Variants in PRMT3 observed in about 807,000 individuals in gnomAD.
PRMT3 encodes protein arginine methyltransferase 3, also known as protein arginine N-methyltransferase 3.
A neutral mutation model predicts 71.9 loss-of-function variants in PRMT3; 62 were observed. The ratio of observed to expected loss-of-function variants is 0.86; its 90% CI spans 0.70 to 1.07. PRMT3 has a LOEUF of 1.07. PRMT3 is among the 50% of genes least tolerant of loss of function. The probability of loss-of-function intolerance (pLI) is 0.00; values close to 1 mark genes in which losing one functional copy is unlikely to be tolerated. For synonymous variants in PRMT3, 213 were observed against 220.4 expected, an observed-to-expected ratio of 0.97 and a Z score of 0.30; for missense variants, 663 against 643.0, an observed-to-expected ratio of 1.03 and a Z score of -0.34.
chr11:20,461,988 G>C lies in PRMT3; in HGVS notation c.1081G>C (p.Asp361His). 2 of 1,578,166 alleles carry C rather than the reference G, an allele frequency of 1.3e-6. No homozygotes were observed. Among genetic ancestry groups the C allele is most frequent in the Non-Finnish European group, 1.7e-6 (2 of 1,156,970 alleles). ...YLAKGGSVYPDICTISLVAVS... is the reference protein window; with the variant it reads ...YLAKGGSVYPHICTISLVAVS... ...CATTTTGTTTGTTACAGTCTACCCT[G>C]ACATTTGCACTATCAGCCTTGTAGC... is the stretch of plus-strand genomic sequence containing the variant. The change falls in exon 12 of 16, where the codon GAC becomes CAC. Residue 361 changes from aspartate to histidine, a missense_variant. Asp to His is a moderately conservative substitution (Grantham distance 81). Transcript: ENST00000331079.
chr11:20,431,798 A>G (rs1246760240), intron 10 of PRMT3, among the ~76,000 whole-genome samples: 3 of 152,116 alleles, frequency 2.0e-5, no homozygotes, highest in African/African-American at 7.2e-5. Context: ...TATTTCAAGC[A>G]TAATTCTCAG....
intron 15 of PRMT3, among the ~76,000 whole-genome samples, chr11:20,507,301 A>G (rs555363765): frequency 6.6e-6 from 1 of 152,268 alleles, no homozygotes; most frequent in African/African-American, 2.4e-5. Context: ...CACCCTGATC[A>G]CAAACTCTTT....
At chr11:20,468,788 T>G (rs1850573896) in intron 13 of PRMT3, among the ~76,000 whole-genome samples, 1 of 152,364 alleles carries the variant, frequency 6.6e-6, no homozygotes, top group Middle Eastern at 3.4e-3. Context: ...TTTAATAGCA[T>G]GTATGCTATA....
At chr11:20,473,217 GTCTC>G (rs979852582) in intron 13 of PRMT3, among the ~76,000 whole-genome samples, 20 of 151,682 alleles carry the variant, frequency 1.3e-4, no homozygotes, top group Non-Finnish European at 2.2e-4. Flanking sequence ...GGTTTTTTGT[GTCTC>G]TATCTTCTTC....
chr11:20,498,106 A>G (rs1453619843), intron 15 of PRMT3, among the ~76,000 whole-genome samples: 1 of 152,254 alleles, frequency 6.6e-6, no homozygotes, highest in Non-Finnish European at 1.5e-5. Flanking sequence ...ATACATAGCA[A>G]TAAAATGTAT....
chr11:20,425,742 G>A (rs756774857), intron 9 of PRMT3, among the ~76,000 whole-genome samples: 2 of 152,234 alleles, frequency 1.3e-5, no homozygotes, highest in Non-Finnish European at 2.9e-5. Context: ...GTGGTTGCTT[G>A]TGGATGGGGA....
At chr11:20,504,723 AG>A (rs1565243468) in intron 15 of PRMT3, among the ~76,000 whole-genome samples, 2 of 151,064 alleles carry the variant, frequency 1.3e-5, no homozygotes, top group East Asian at 3.9e-4. Context: ...AGAGAGAGAG[AG>A]AGAGAGAGAG....
At chr11:20,389,659 A>G in intron 2 of PRMT3, 85 bp from the exon 3 acceptor site, 2 of 831,176 alleles carry the variant, frequency 2.4e-6, no homozygotes, top group Middle Eastern at 4.8e-4. Context: ...GAGTTAAAAA[A>G]AAAAAAAAAG....
chr11:20,399,954 C>T (rs1276267872), intron 7 of PRMT3, among the ~76,000 whole-genome samples: 1 of 152,142 alleles, frequency 6.6e-6, no homozygotes, highest in Admixed American at 6.5e-5. Flanking sequence ...TAATTTCCTC[C>T]CCTTGGAAAT....
intron 13 of PRMT3, among the ~76,000 whole-genome samples, chr11:20,468,993 G>A (rs1850580429): frequency 6.6e-6 from 1 of 152,138 alleles, no homozygotes; most frequent in Non-Finnish European, 1.5e-5. Context: ...ATATGTAAAT[G>A]TCTTGAATCT....
chr11:20,419,975 C>A (rs545593449), intron 9 of PRMT3, among the ~76,000 whole-genome samples: 1 of 152,248 alleles, frequency 6.6e-6, no homozygotes, highest in East Asian at 1.9e-4. Context: ...AGTTCGAGAC[C>A]AGCCTGAGCA....
chr11:20,494,415 C>T (rs1006709556), intron 15 of PRMT3, among the ~76,000 whole-genome samples, 161 bp downstream of exon 15: 10 of 152,208 alleles, frequency 6.6e-5, no homozygotes, highest in African/African-American at 2.4e-4. Context: ...CTCACTGCAA[C>T]CTCCATCCCC....
Position 20,395,788 on chromosome 11 carries a change from C to T in PRMT3, c.401-15C>T. 5 of 1,601,366 alleles carry T rather than the reference C, an allele frequency of 3.1e-6. No individual in the cohort carries two copies. Among genetic ancestry groups the T allele is most frequent in the Non-Finnish European group, 4.3e-6 (5 of 1,173,276 alleles). On this transcript the variant is annotated splice_polypyrimidine_tract_variant and intron_variant, in intron 5 of 15. Coordinates refer to ENST00000331079, the MANE Select transcript of PRMT3 (RefSeq NM_005788.4). ...TATAAGATGGCCTGATAATAATGTC[C>T]ATTTATTTCTTTAGATGTAGAAGAT...
intron 13 of PRMT3, among the ~76,000 whole-genome samples, chr11:20,491,612 T>C (rs576997341): frequency 1.3e-5 from 2 of 152,342 alleles, no homozygotes; most frequent in East Asian, 3.9e-4. Flanking sequence ...GTTTACGGAT[T>C]AGTCTGAGAC....
chr11:20,491,698 T>A (rs1851211395), intron 13 of PRMT3, among the ~76,000 whole-genome samples: 1 of 152,172 alleles, frequency 6.6e-6, no homozygotes, highest in African/African-American at 2.4e-5. Flanking sequence ...TCCATGCATG[T>A]TTTATCCAGA....
intron 7 of PRMT3, among the ~76,000 whole-genome samples, chr11:20,398,258 CAAT>C (rs981422054): frequency 3.3e-5 from 5 of 151,984 alleles, no homozygotes; most frequent in African/African-American, 1.2e-4. Context: ...TTGTTTGGGC[CAAT>C]AATAATTCTT....
intron 10 of PRMT3, among the ~76,000 whole-genome samples, chr11:20,441,582 CAGGCTTGA>C (rs1849903571): frequency 6.6e-6 from 1 of 151,912 alleles, no homozygotes; most frequent in Non-Finnish European, 1.5e-5. Flanking sequence ...GCTGGGATTA[CAGGCTTGA>C]GCCACCGCGC....
At chr11:20,416,149 T>C (rs1233946605) in intron 9 of PRMT3, among the ~76,000 whole-genome samples, 4 of 152,208 alleles carry the variant, frequency 2.6e-5, no homozygotes, top group African/African-American at 9.6e-5. Context: ...CAGTTGTTTG[T>C]ACTTTGTCTT....
chr11:20,437,657 T>C (rs1218544968), intron 10 of PRMT3, among the ~76,000 whole-genome samples: 2 of 152,052 alleles, frequency 1.3e-5, no homozygotes, highest in Admixed American at 6.5e-5. Context: ...TGGTGCGATC[T>C]CGGCTCAATG....
Sources: gnomAD v4.1 joint callset for allele counts (sites outside exome capture counted in the v4.1 genomes callset) on GRCh38, gnomAD v4.1.1 for gene constraint, MANE v1.5 for transcripts, NCBI Gene and HGNC (gene_info 2026-07-23, HGNC 2026-07-21) for gene names.